The following AUTS2 variants were observed in gnomAD, a reference collection of about 807,000 sequenced individuals.
The protein encoded by AUTS2 is activator of transcription and developmental regulator AUTS2, also known as autism susceptibility gene 2 protein.
A neutral mutation model predicts 112.4 loss-of-function variants in AUTS2; 17 were observed. The ratio of observed to expected loss-of-function variants is 0.15; its 90% CI spans 0.10 to 0.23. The LOEUF is 0.23. Ranked by LOEUF, AUTS2 falls within the 10% of genes least tolerant of loss-of-function variation. The pLI is 1.00. For missense variants in AUTS2, 1,510 were observed against 1,701.6 expected (o/e 0.89, Z 1.98); for synonymous variants, 751 against 702.7 (o/e 1.07, Z -1.09).
intron 2 of AUTS2, among the ~76,000 whole-genome samples, chr7:70,024,457 G>A (rs907934929): frequency 4.6e-5 from 7 of 152,156 alleles, no homozygotes; most frequent in Non-Finnish European, 1.0e-4. Flanking sequence ...TAATTACGGA[G>A]TAGTTATACT....
At chr7:70,144,319 G>T (rs1407409942) in intron 4 of AUTS2, among the ~76,000 whole-genome samples, 1 of 152,092 alleles carries the variant, frequency 6.6e-6, no homozygotes, top group African/African-American at 2.4e-5. Flanking sequence ...AGTTCTCTTA[G>T]AATTTTTTAA....
intron 5 of AUTS2, among the ~76,000 whole-genome samples, chr7:70,691,827 GCTGAGGCCGTCAT>G (rs909068609): frequency 1.3e-5 from 2 of 151,728 alleles, no homozygotes; most frequent in African/African-American, 4.8e-5. Flanking sequence ...TGCAGATCTG[GCTGAGGCCGTCAT>G]CTGAGGCCTA....
intron 1 of AUTS2, among the ~76,000 whole-genome samples, chr7:69,858,132 G>A (rs947155309): frequency 6.6e-6 from 1 of 152,230 alleles, no homozygotes; most frequent in African/African-American, 2.4e-5. Flanking sequence ...AGGACCTGGT[G>A]TGTGGCTAGA....
chr7:69,675,821 A>G (rs1030146818), intron 1 of AUTS2, among the ~76,000 whole-genome samples: 1 of 151,314 alleles, frequency 6.6e-6, no homozygotes, highest in African/African-American at 2.4e-5. Flanking sequence ...CTGAGGTTTG[A>G]CTCTTTGCAC....
intron 4 of AUTS2, among the ~76,000 whole-genome samples, chr7:70,263,876 A>G (rs1331941545): frequency 6.6e-6 from 1 of 152,166 alleles, no homozygotes; most frequent in East Asian, 1.9e-4. Context: ...CTACTTAATA[A>G]TTTCCTTCAA....
intron 4 of AUTS2, among the ~76,000 whole-genome samples, chr7:70,279,796 G>A (rs929954701): frequency 1.1e-4 from 17 of 152,166 alleles, no homozygotes; most frequent in African/African-American, 2.9e-4. Context: ...CAGCTCTATC[G>A]TCTTTTGGAT....
At chr7:70,789,695 C>G in intron 18 of AUTS2, 53 bp from the exon 19 acceptor site, 1 of 1,562,592 alleles carries the variant, frequency 6.4e-7, no homozygotes. Flanking sequence ...CTGGCCCGGC[C>G]GACTCGCCCC....
intron 1 of AUTS2, among the ~76,000 whole-genome samples, chr7:69,760,184 A>G (rs575003337): frequency 1.7e-4 from 26 of 149,724 alleles, no homozygotes; most frequent in South Asian, 1.3e-3. Flanking sequence ...TAAAAAAAAA[A>G]AGTTCTTTTT....
intron 6 of AUTS2, among the ~76,000 whole-genome samples, chr7:70,762,056 T>C (rs1351205443): frequency 6.6e-6 from 1 of 152,164 alleles, no homozygotes; most frequent in Non-Finnish European, 1.5e-5. Flanking sequence ...TCTGTAAATG[T>C]CAAGTGTGTC....
chr7:69,765,366 G>C (rs912762375), intron 1 of AUTS2, among the ~76,000 whole-genome samples: 24 of 152,256 alleles, frequency 1.6e-4, no homozygotes, highest in African/African-American at 5.3e-4. Context: ...TTCAAAGCGG[G>C]TGTATTCTCA....
chr7:70,038,811 C>T (rs1344349475), intron 2 of AUTS2, among the ~76,000 whole-genome samples: 2 of 152,026 alleles, frequency 1.3e-5, no homozygotes, highest in African/African-American at 4.8e-5. Flanking sequence ...CACCCTGTCG[C>T]GCTGGAGTGC....
chr7:70,777,049 G>A (rs1790749723), intron 13 of AUTS2, 54 bp from the exon 14 acceptor site: 1 of 1,555,204 alleles, frequency 6.4e-7, no homozygotes, highest in Non-Finnish European at 8.9e-7. Flanking sequence ...GAAATTGAAG[G>A]TGGTTTTCTC....
intron 2 of AUTS2, among the ~76,000 whole-genome samples, chr7:70,075,888 C>T (rs899047380): frequency 6.6e-6 from 1 of 152,162 alleles, no homozygotes; most frequent in Non-Finnish European, 1.5e-5. Context: ...GCAGAGATTG[C>T]CAAACTTTTT....
At chr7:70,685,295 A>G (rs1259290780) in intron 5 of AUTS2, among the ~76,000 whole-genome samples, 1 of 151,932 alleles carries the variant, frequency 6.6e-6, no homozygotes, top group East Asian at 1.9e-4. Context: ...CAACACGGTG[A>G]AATCCCGCCT....
chr7:70,332,637 G>A (rs750588181), intron 4 of AUTS2, among the ~76,000 whole-genome samples: 21 of 152,076 alleles, frequency 1.4e-4, no homozygotes, highest in Non-Finnish European at 2.4e-4. Flanking sequence ...GGAACAGAAC[G>A]GTGGCCTCAG....
chr7:70,705,019 A>G (rs903804439), intron 6 of AUTS2, among the ~76,000 whole-genome samples: 4 of 152,228 alleles, frequency 2.6e-5, no homozygotes, highest in African/African-American at 9.7e-5. Flanking sequence ...TCAATTAGCT[A>G]AGCAATTAGT....
At chr7:70,503,192 G>C (rs770601313) in intron 5 of AUTS2, among the ~76,000 whole-genome samples, 1 of 152,058 alleles carries the variant, frequency 6.6e-6, no homozygotes, top group African/African-American at 2.4e-5. Flanking sequence ...TTTGGAAAGA[G>C]AAAGTTTGTC....
chr7:69,754,449 A>G (rs1302379414), intron 1 of AUTS2, among the ~76,000 whole-genome samples: 1 of 152,152 alleles, frequency 6.6e-6, no homozygotes. Context: ...CTCTGTTGGA[A>G]TAGGGATTTG....
chr7:70,421,359 G>A (rs974904142), intron 4 of AUTS2, among the ~76,000 whole-genome samples: 1 of 142,568 alleles, frequency 7.0e-6, no homozygotes, highest in African/African-American at 2.7e-5. Context: ...CCAAAATGTT[G>A]GCAGTCTAAA....
Sources: allele counts gnomAD v4.1 joint callset (sites outside exome capture counted in the v4.1 genomes callset), GRCh38; gene constraint gnomAD v4.1.1; transcripts MANE v1.5; gene names NCBI Gene and HGNC (gene_info 2026-07-23, HGNC 2026-07-21).